Variants in LPAR1 observed in about 807,000 individuals in gnomAD.
LPAR1 encodes lysophosphatidic acid receptor 1.
In LPAR1, 5 loss-of-function variants were observed where a neutral mutation model predicts 23.8. The observed-to-expected ratio is 0.21, with a 90% CI of 0.11 to 0.44. LPAR1 has a LOEUF of 0.44. LPAR1 is among the 20% of genes least tolerant of loss of function. The pLI, the probability that LPAR1 is intolerant of heterozygous loss-of-function variation, is 0.99. For synonymous variants in LPAR1, 160 were observed against 164.7 expected (o/e 0.97, Z 0.22); for missense variants, 311 against 482.8 (o/e 0.64, Z 3.33).
chr9:110,879,953 G>A (rs1014818083), intron 5 of LPAR1, among the ~76,000 whole-genome samples: 1 of 152,146 alleles, frequency 6.6e-6, no homozygotes, highest in Non-Finnish European at 1.5e-5. Context: ...GTAAGGAGAA[G>A]AAGACAGCTG....
chr9:111,019,699 G>T (rs527527635), intron 2 of LPAR1, among the ~76,000 whole-genome samples: 1 of 151,944 alleles, frequency 6.6e-6, no homozygotes, highest in Non-Finnish European at 1.5e-5. Flanking sequence ...CAAAAAATTA[G>T]CCGGGCTTGG....
At chr9:110,899,581 G>A (rs2087882480) in intron 5 of LPAR1, among the ~76,000 whole-genome samples, 2 of 152,194 alleles carry the variant, frequency 1.3e-5, no homozygotes, top group South Asian at 4.1e-4. Flanking sequence ...AAGAAAGCAA[G>A]AGAAAGTCAC....
chr9:110,932,085 C>T (rs1244397204), intron 5 of LPAR1, among the ~76,000 whole-genome samples: 1 of 152,162 alleles, frequency 6.6e-6, no homozygotes, highest in Non-Finnish European at 1.5e-5. Flanking sequence ...GACCTTATGG[C>T]AAATATCCCT....
chr9:110,942,357 T>C (rs1470251163), intron 4 of LPAR1, among the ~76,000 whole-genome samples, 189 bp from the exon 5 acceptor site: 1 of 152,202 alleles, frequency 6.6e-6, no homozygotes, highest in Non-Finnish European at 1.5e-5. Flanking sequence ...ATTACTGTCC[T>C]TAAGATTAAA....
intron 5 of LPAR1, among the ~76,000 whole-genome samples, chr9:110,899,136 C>G (rs1219757564): frequency 6.6e-6 from 1 of 152,168 alleles, no homozygotes; most frequent in Non-Finnish European, 1.5e-5. Flanking sequence ...CATTTTGTTA[C>G]ACATCAAGAA....
In LPAR1 at chr9:110,875,432, A is replaced by G. The variant is rs756095056; in HGVS notation, c.1084T>C (p.Ser362Pro). Residue 362 changes from serine (S) to proline (P), a missense_variant, in exon 6 of 6, where the codon TCT becomes CCT. Around this residue, in one of 2 missense-constraint regions of LPAR1, gnomAD observed 250 missense variants for 427.2 expected, o/e 0.59. Transcript: ENST00000683809. ...TCTCAGTTTCCGTTCTAAACCACAG[A>G]GTGGTCATTGCTGTGAACTCCAGCC... ...ILAGVHSNDH[S>P]VV is the part of the protein sequence containing the mutation. 1.2e-6 allele frequency: 2 copies of G among 1,611,274 alleles called. No individual in the cohort carries two copies. Among genetic ancestry groups the G allele is most frequent in the African/African-American group, 1.3e-5 (1 of 74,830 alleles).
chr9:110,968,696 G>C (rs1050454370), intron 4 of LPAR1, among the ~76,000 whole-genome samples: 42 of 152,232 alleles, frequency 2.8e-4, no homozygotes, highest in African/African-American at 9.9e-4. Flanking sequence ...CACTATATCT[G>C]TAAACTCTGG....
At chr9:111,027,110 T>A (rs2097705932) in intron 2 of LPAR1, among the ~76,000 whole-genome samples, 2 of 152,166 alleles carry the variant, frequency 1.3e-5, no homozygotes, top group Non-Finnish European at 2.9e-5. Context: ...TGGTACCAGC[T>A]CCTCTTTGTA....
intron 5 of LPAR1, among the ~76,000 whole-genome samples, chr9:110,931,597 A>G (rs2094421513): frequency 6.6e-6 from 1 of 152,212 alleles, no homozygotes; most frequent in Non-Finnish European, 1.5e-5. Flanking sequence ...GTCCTTGCCC[A>G]TGCCTATGTC....
intron 5 of LPAR1, among the ~76,000 whole-genome samples, chr9:110,905,981 A>G (rs1020775937): frequency 6.6e-6 from 1 of 152,220 alleles, no homozygotes; most frequent in African/African-American, 2.4e-5. Flanking sequence ...CAAACACGTG[A>G]CATGTAATAA....
At chr9:111,009,993 AG>A (rs2140505088) in intron 2 of LPAR1, among the ~76,000 whole-genome samples, 5 of 122,428 alleles carry the variant, frequency 4.1e-5, no homozygotes, top group South Asian at 2.7e-4. Context: ...TTTCATAATT[AG>A]GAAAATATAT....
chr9:110,923,843 T>A lies in LPAR1; in HGVS notation c.793+17578A>T, dbSNP rs1046862961. Among the ~76,000 whole-genome samples, 26 of 152,218 alleles carry A rather than the reference T, an allele frequency of 1.7e-4. 1 individual carries two copies. The highest frequency in any genetic ancestry group is 1.7e-3 in the Admixed American group (26 of 15,282). ...AGTAACACTGTTAATCACCACGCTG[T>A]CTTTTTCAGCTGTTAGGCCTTTAGA... On this transcript the variant is annotated intron_variant, in intron 5 of 5. Coordinates refer to ENST00000683809, the MANE Select transcript of LPAR1 (RefSeq NM_001351411.2).
chr9:110,942,863 A>G (rs1367208573), intron 4 of LPAR1, among the ~76,000 whole-genome samples: 1 of 152,166 alleles, frequency 6.6e-6, no homozygotes, highest in Non-Finnish European at 1.5e-5. Context: ...CGTAACCTCC[A>G]AAGAGTAGGT....
chr9:111,035,499 C>G (rs1307737222), intron 2 of LPAR1, among the ~76,000 whole-genome samples: 1 of 152,180 alleles, frequency 6.6e-6, no homozygotes, highest in East Asian at 1.9e-4. Context: ...GTTGAGATTA[C>G]AGGCATAAGC....
intron 5 of LPAR1, among the ~76,000 whole-genome samples, chr9:110,899,597 C>T (rs984867010): frequency 1.3e-5 from 2 of 152,106 alleles, no homozygotes; most frequent in Non-Finnish European, 2.9e-5. Flanking sequence ...GTCACCTAGA[C>T]CAGTGCTTTA....
rs753945466 is a variant in LPAR1 at position 110,941,512 on chromosome 9, C to G, written c.702G>C (p.Gln234His). ...LYAHIFGYVR[Q>H]RTMRMSRHSS... is the part of the protein sequence containing the mutation. The stretch of plus-strand genomic sequence containing the variant: ...TATGCCGAGACATTCTCATAGTCCT[C>G]TGGCGAACATAGCCAAAGATGTGAG... Residue 234 changes from glutamine (Q) to histidine (H), a missense_variant, in exon 5 of 6, where the codon CAG (glutamine) becomes CAC (histidine). Gln to His is a conservative substitution (Grantham distance 24). This residue lies in a region of LPAR1 where 250 missense variants were observed against 427.2 expected (regional missense o/e 0.59). Transcript: ENST00000683809. The surrounding 1 kb of genome is among the most constrained non-coding windows in gnomAD (Gnocchi z 6.1). The G allele has an allele frequency of 6.2e-7, 1 of 1,613,984 alleles. No homozygotes were observed. The highest frequency in any genetic ancestry group is 1.3e-5 in the African/African-American group (1 of 74,928).
chr9:110,963,425 T>A (rs1393708900), intron 4 of LPAR1, among the ~76,000 whole-genome samples: 1 of 152,234 alleles, frequency 6.6e-6, no homozygotes, highest in Non-Finnish European at 1.5e-5. Context: ...TGGCAATACG[T>A]TGGAGTTTTC....
At chr9:110,998,674 A>G (rs951792854) in intron 2 of LPAR1, among the ~76,000 whole-genome samples, 2 of 152,216 alleles carry the variant, frequency 1.3e-5, no homozygotes, top group African/African-American at 4.8e-5. Flanking sequence ...TATTAGTGTA[A>G]TCCATCTGAA....
At chr9:110,929,949 G>A (rs751816307) in intron 5 of LPAR1, among the ~76,000 whole-genome samples, 4 of 151,990 alleles carry the variant, frequency 2.6e-5, no homozygotes, top group Non-Finnish European at 5.9e-5. Flanking sequence ...TGCAAAGAAC[G>A]TAAACCCCTC....
Sources: allele counts gnomAD v4.1 joint callset (sites outside exome capture counted in the v4.1 genomes callset), GRCh38; gene constraint gnomAD v4.1.1; regional missense constraint gnomAD v4.1.1; non-coding constraint Gnocchi (gnomAD v3.1); transcripts MANE v1.5; gene names NCBI Gene and HGNC (gene_info 2026-07-23, HGNC 2026-07-21).